SLC9A9: variants seen among roughly 807,000 people sequenced by gnomAD.
The protein encoded by SLC9A9 is sodium/hydrogen exchanger 9.
Under a neutral mutation model 77.8 loss-of-function variants are expected in SLC9A9, and 62 were observed. The ratio of observed to expected loss-of-function variants is 0.80; its 90% CI spans 0.65 to 0.98. The LOEUF (loss-of-function observed/expected upper bound fraction) is 0.98, where lower values mean the gene tolerates loss of function less well. Ranked by LOEUF, SLC9A9 falls within the 50% of genes least tolerant of loss-of-function variation. The pLI is 0.00. For missense variants in SLC9A9, 775 were observed against 774.9 expected, an observed-to-expected ratio of 1.00 and a Z score of 0.00; for synonymous variants, 320 against 283.5, an observed-to-expected ratio of 1.13 and a Z score of -1.29.
intron 12 of SLC9A9, among the ~76,000 whole-genome samples, chr3:143,391,126 A>G (rs2033555385): frequency 6.6e-6 from 1 of 152,234 alleles, no homozygotes; most frequent in African/African-American, 2.4e-5. Flanking sequence ...ATGGAGTTTG[A>G]GATCTGAGAA....
chr3:143,524,531 CA>C (rs2036370990), intron 9 of SLC9A9, among the ~76,000 whole-genome samples: 1 of 152,142 alleles, frequency 6.6e-6, no homozygotes, highest in Non-Finnish European at 1.5e-5. Flanking sequence ...AAATGTTTGA[CA>C]GTACTAAAAT....
intron 4 of SLC9A9, among the ~76,000 whole-genome samples, chr3:143,769,165 C>T (rs1177538059): frequency 1.3e-5 from 2 of 152,032 alleles, no homozygotes; most frequent in East Asian, 3.9e-4. Flanking sequence ...ATTATTACTG[C>T]TCATAATTAA....
At chr3:143,438,358 G>T (rs2034664800) in intron 12 of SLC9A9, among the ~76,000 whole-genome samples, 2 of 152,212 alleles carry the variant, frequency 1.3e-5, no homozygotes, top group Non-Finnish European at 2.9e-5. Flanking sequence ...GTGGGAGTTG[G>T]CAGTGCCCAG....
intron 9 of SLC9A9, among the ~76,000 whole-genome samples, chr3:143,531,212 C>A (rs960854634): frequency 1.3e-5 from 2 of 152,176 alleles, no homozygotes; most frequent in African/African-American, 4.8e-5. Flanking sequence ...TCAACTCATG[C>A]CTCCGCTTGA....
At chr3:143,819,980 A>G (rs569868466) in intron 2 of SLC9A9, among the ~76,000 whole-genome samples, 1 of 152,330 alleles carries the variant, frequency 6.6e-6, no homozygotes, top group East Asian at 1.9e-4. Context: ...GACTCAAATC[A>G]TAGCTTCTAA....
At chr3:143,423,176 T>C (rs1008105495) in intron 12 of SLC9A9, among the ~76,000 whole-genome samples, 1 of 150,780 alleles carries the variant, frequency 6.6e-6, no homozygotes, top group Non-Finnish European at 1.5e-5. Flanking sequence ...CATGTAGAAA[T>C]GAACATATAT....
chr3:143,823,105 C>T (rs371965389), intron 2 of SLC9A9, among the ~76,000 whole-genome samples: 8 of 152,198 alleles, frequency 5.3e-5, no homozygotes, highest in African/African-American at 1.9e-4. Context: ...TACCTGGTTA[C>T]ATCATCCATT....
intron 3 of SLC9A9, among the ~76,000 whole-genome samples, chr3:143,795,782 TGA>T (rs1315679689): frequency 6.6e-6 from 1 of 152,234 alleles, no homozygotes; most frequent in African/African-American, 2.4e-5. Context: ...TTTATTTTAA[TGA>T]GTCAGCCACA....
chr3:143,356,344 C>G (rs1432367699), intron 14 of SLC9A9, among the ~76,000 whole-genome samples: 1 of 152,080 alleles, frequency 6.6e-6, no homozygotes, highest in Non-Finnish European at 1.5e-5. Context: ...ATGGATTCAG[C>G]CAAAACAGAG....
chr3:143,533,073 G>C (rs2036538859), intron 9 of SLC9A9, among the ~76,000 whole-genome samples: 1 of 152,210 alleles, frequency 6.6e-6, no homozygotes, highest in African/African-American at 2.4e-5. Flanking sequence ...AACTGCCCAT[G>C]TGGGCCCAGG....
intron 12 of SLC9A9, among the ~76,000 whole-genome samples, chr3:143,444,193 G>A (rs2034802287): frequency 1.3e-5 from 2 of 152,340 alleles, no homozygotes; most frequent in Admixed American, 6.5e-5. Flanking sequence ...AGGAAATGAA[G>A]CTCAACACCC....
intron 2 of SLC9A9, among the ~76,000 whole-genome samples, chr3:143,806,559 T>C (rs1318274990): frequency 6.6e-6 from 1 of 152,150 alleles, no homozygotes; most frequent in Non-Finnish European, 1.5e-5. Flanking sequence ...TAAAATGGAA[T>C]GAATTATACC....
At chr3:143,396,420 G>A (rs1056544484) in intron 12 of SLC9A9, among the ~76,000 whole-genome samples, 14 of 152,114 alleles carry the variant, frequency 9.2e-5, no homozygotes, top group South Asian at 6.2e-4. Flanking sequence ...CACAGGAAGC[G>A]GAACATCACA....
chr3:143,341,491 A>T (rs1289431093), intron 14 of SLC9A9, among the ~76,000 whole-genome samples: 1 of 152,230 alleles, frequency 6.6e-6, no homozygotes, highest in Admixed American at 6.5e-5. Context: ...AATAATCATT[A>T]TTGGGTATCT....
chr3:143,268,776 C>A (rs773881269), intron 15 of SLC9A9, 99 bp downstream of exon 15: 330 of 654,658 alleles, frequency 5.0e-4, no homozygotes, highest in Non-Finnish European at 7.1e-4. Flanking sequence ...CTCAATCCTG[C>A]AAGTAGCAGG....
chr3:143,799,032 G>A (rs899851758), intron 2 of SLC9A9, among the ~76,000 whole-genome samples: 9 of 152,050 alleles, frequency 5.9e-5, no homozygotes, highest in African/African-American at 1.9e-4. Flanking sequence ...TCTGGCTTAC[G>A]GTTCTGTTCC....
chr3:143,382,651 A>C (rs187725489), intron 12 of SLC9A9, among the ~76,000 whole-genome samples: 4 of 152,198 alleles, frequency 2.6e-5, no homozygotes, highest in East Asian at 1.9e-4. Context: ...ATAAACACAA[A>C]ATTGGGAGTG....
intron 13 of SLC9A9, among the ~76,000 whole-genome samples, chr3:143,380,468 T>TG (rs5853108): frequency 0.85 from 128,997 of 152,150 alleles, 54,931 homozygotes; most frequent in African/African-American, 0.92. Flanking sequence ...ATAAAAGTTT[T>TG]CTTGAAGGTA....
rs566420260 is a variant in SLC9A9, at chr3:143,363,362, G to A, written c.1604+122C>T. The A allele has an allele frequency of 2.4e-4, 214 of 879,382 alleles. 1 individual carries two copies. The Middle Eastern group carries it at 3.2e-3, about 13-fold the overall frequency. 54.5% of individuals were successfully genotyped at this position (879,382 alleles called of 1,614,324 possible). On this transcript the variant is annotated intron_variant, in intron 14 of 15. Coordinates refer to ENST00000316549, the MANE Select transcript of SLC9A9 (RefSeq NM_173653.4). ...ATCATTCCTTTTTATAAGTTTGGCT[G>A]TGAATTCACTTTACCTTTTGGTGTT...
Sources: allele counts gnomAD v4.1 joint callset (sites outside exome capture counted in the v4.1 genomes callset), GRCh38; gene constraint gnomAD v4.1.1; transcripts MANE v1.5; gene names NCBI Gene and HGNC (gene_info 2026-07-23, HGNC 2026-07-21).